The following TNS3 variants were observed in gnomAD, a reference collection of about 807,000 sequenced individuals.
TNS3 encodes the protein tensin 3.
A neutral mutation model predicts 140.9 loss-of-function variants in TNS3; 45 were observed. The ratio of observed to expected loss-of-function variants is 0.32; its 90% CI spans 0.25 to 0.41. The LOEUF is 0.41. Ranked by LOEUF, TNS3 falls within the 10% of genes least tolerant of loss-of-function variation. The probability of loss-of-function intolerance (pLI) is 1.00; values close to 1 mark genes in which losing one functional copy is unlikely to be tolerated. For synonymous variants in TNS3, 815 were observed against 788.4 expected (o/e 1.03, Z -0.56); for missense variants, 1,716 against 1,906.7 (o/e 0.90, Z 1.86).
intron 10 of TNS3, among the ~76,000 whole-genome samples, chr7:47,422,066 C>CA (rs1794401351): frequency 6.6e-6 from 1 of 152,218 alleles, no homozygotes; most frequent in South Asian, 2.1e-4. Context: ...CTTCTGGTCT[C>CA]AAACTTTCCT....
intron 3 of TNS3, among the ~76,000 whole-genome samples, chr7:47,496,807 T>A (rs976809193): frequency 6.6e-6 from 1 of 152,184 alleles, no homozygotes; most frequent in Non-Finnish European, 1.5e-5. Context: ...TAGGCCCAGA[T>A]ACCCTGGCTG....
At chr7:47,441,067 A>T (rs888285996) in intron 5 of TNS3, among the ~76,000 whole-genome samples, 16 of 152,234 alleles carry the variant, frequency 1.1e-4, no homozygotes, top group South Asian at 2.1e-4. Flanking sequence ...TGCAGAATTT[A>T]TTTCTAAAAG....
At position 47,297,113 on chromosome 7, in the gene TNS3, G is replaced by A. The variant is rs765369218; in HGVS notation, c.3645C>T (p.Pro1215=). 3.3e-5 allele frequency: 54 copies of A among 1,614,002 alleles called. No homozygotes were observed. The highest frequency in any genetic ancestry group is 4.2e-5 in the Non-Finnish European group (50 of 1,180,030). The change falls in exon 24 of 31, where the codon CCC becomes CCT. Residue 1215 remains proline (P), a synonymous_variant. Transcript: ENST00000311160. Reference sequence around the variant, plus strand: ...TGTTCAGCTGCAGGACTGAAGGTGGGGGCGTGGCCACCTTCATGGCCAGGC... The same window carrying A: ...TGTTCAGCTGCAGGACTGAAGGTGGAGGCGTGGCCACCTTCATGGCCAGGC... ...AYGLAMKVAT[P]PPSVLQLNKK... is the part of the protein sequence containing the mutation.
intron 4 of TNS3, among the ~76,000 whole-genome samples, chr7:47,468,376 G>T (rs1277000257): frequency 6.6e-6 from 1 of 152,178 alleles, no homozygotes; most frequent in Non-Finnish European, 1.5e-5. Flanking sequence ...GGGAGGCAGA[G>T]GTTGCAGTGA....
At chr7:47,510,226 T>G (rs2151891875) in intron 2 of TNS3, among the ~76,000 whole-genome samples, 1 of 152,288 alleles carries the variant, frequency 6.6e-6, no homozygotes, top group South Asian at 2.1e-4. Flanking sequence ...TGATCACCAC[T>G]TAGGGATTCG....
intron 17 of TNS3, among the ~76,000 whole-genome samples, chr7:47,363,788 T>C (rs532716975): frequency 3.9e-5 from 6 of 152,312 alleles, no homozygotes; most frequent in African/African-American, 1.2e-4. Flanking sequence ...CTGAACCTCA[T>C]GCACACAGAT....
intron 22 of TNS3, among the ~76,000 whole-genome samples, chr7:47,302,611 T>C (rs1310504439): frequency 6.6e-6 from 1 of 152,238 alleles, no homozygotes; most frequent in African/African-American, 2.4e-5. Context: ...AATGACGTTT[T>C]GGATGAATTA....
chr7:47,429,629 A>AGTGCT (rs563169963), intron 8 of TNS3, among the ~76,000 whole-genome samples: 78 of 152,296 alleles, frequency 5.1e-4, no homozygotes, highest in African/African-American at 1.8e-3. Flanking sequence ...GGCCTCCCAA[A>AGTGCT]GTGCTGGGAC....
At chr7:47,307,650 T>C (rs1444346973) in intron 20 of TNS3, among the ~76,000 whole-genome samples, 1 of 152,282 alleles carries the variant, frequency 6.6e-6, no homozygotes, top group African/African-American at 2.4e-5. Context: ...AGTGCTGGCG[T>C]AGTGGTATAA....
At chr7:47,564,554 T>C (rs1289012390) in intron 1 of TNS3, among the ~76,000 whole-genome samples, 1 of 143,820 alleles carries the variant, frequency 7.0e-6, no homozygotes, top group Non-Finnish European at 1.5e-5. Context: ...GAGAATAGCT[T>C]GAACCCAGGA....
rs371368982 is a variant in TNS3, at chr7:47,367,679, GCT to G, written c.2281+684_2281+685del. On this transcript the variant is annotated intron_variant, in intron 17 of 30. Coordinates refer to ENST00000311160, the MANE Select transcript of TNS3 (RefSeq NM_022748.12). ...TCCCATGGCTTTGGGTCCCACCACAGCTCTCAGTCCCCTCACCCCTGGGCCTG... is the reference window on the plus strand; with the variant it reads ...TCCCATGGCTTTGGGTCCCACCACAGCTCAGTCCCCTCACCCCTGGGCCTG... Among the ~76,000 whole-genome samples, 200 of 152,212 alleles carry G rather than the reference GCT, an allele frequency of 1.3e-3. 1 individual carries two copies. Among genetic ancestry groups the G allele is most frequent in the African/African-American group, 4.6e-3 (191 of 41,536 alleles).
intron 20 of TNS3, among the ~76,000 whole-genome samples, chr7:47,322,191 CAT>C (rs1787773297): frequency 8.6e-6 from 1 of 115,892 alleles, no homozygotes; most frequent in Non-Finnish European, 1.6e-5. Context: ...TGGGAAAGCA[CAT>C]GAGAGTGAAG....
chr7:47,382,760 C>G (rs1416399288), intron 16 of TNS3, among the ~76,000 whole-genome samples: 1 of 151,288 alleles, frequency 6.6e-6, no homozygotes, highest in African/African-American at 2.4e-5. Flanking sequence ...GAAAAGTGGA[C>G]TCTCCATATA....
At chr7:47,435,983 A>G (rs1471884961) in intron 7 of TNS3, among the ~76,000 whole-genome samples, 6 of 152,214 alleles carry the variant, frequency 3.9e-5, no homozygotes, top group Non-Finnish European at 7.3e-5. Context: ...TGAGGCACAC[A>G]CAAGTCCACA....
chr7:47,562,665 A>G lies in TNS3; in HGVS notation c.-265+19386T>C, dbSNP rs143206295. 9.1e-3 allele frequency among the ~76,000 whole-genome samples: 1,380 copies of G among 152,246 alleles called. 23 individuals are homozygous for G. The highest frequency in any genetic ancestry group is 0.032 in the African/African-American group (1,309 of 41,548). ...CTCCCAAAGTGCTGGGATTACAGGC[A>G]TGAGCCACCGCACCAGGCCTAGTCT... On this transcript the variant is annotated intron_variant, in intron 1 of 30. Coordinates refer to ENST00000311160, the MANE Select transcript of TNS3 (RefSeq NM_022748.12).
At chr7:47,524,599 G>C (rs928336944) in intron 2 of TNS3, among the ~76,000 whole-genome samples, 1 of 150,544 alleles carries the variant, frequency 6.6e-6, no homozygotes, top group Admixed American at 6.6e-5. Flanking sequence ...TCAGGAGATC[G>C]AGACCATCCT....
intron 1 of TNS3, among the ~76,000 whole-genome samples, chr7:47,532,070 C>CT (rs565295212): frequency 9.2e-5 from 14 of 152,304 alleles, no homozygotes; most frequent in African/African-American, 3.4e-4. Context: ...GAAGCCCCCC[C>CT]CCGCCCACCA....
intron 20 of TNS3, among the ~76,000 whole-genome samples, chr7:47,331,296 A>G (rs1434645993): frequency 1.3e-5 from 2 of 152,208 alleles, no homozygotes. Context: ...TGAGATCCTC[A>G]GCTTTATTCG....
rs374397685 is a variant in TNS3 at position 47,525,135 on chromosome 7, CT to C, written c.-153+3900del. Among the ~76,000 whole-genome samples the C allele has an allele frequency of 2.1e-4, 32 of 152,346 alleles. 1 individual carries two copies. The East Asian group carries it at 6.0e-3, about 28-fold the overall frequency. ...GAGATAATGCTGCACGAGGACAGAG[CT>C]GGCAGCCCCGCTGCTTGTCCATGTT... On this transcript the variant is annotated intron_variant, in intron 2 of 30. Coordinates refer to ENST00000311160, the MANE Select transcript of TNS3 (RefSeq NM_022748.12).
Sources: allele counts gnomAD v4.1 joint callset (sites outside exome capture counted in the v4.1 genomes callset), GRCh38; gene constraint gnomAD v4.1.1; transcripts MANE v1.5; gene names NCBI Gene and HGNC (gene_info 2026-07-23, HGNC 2026-07-21).